The following POLD4 variants were observed in gnomAD, a reference collection of about 807,000 sequenced individuals.
POLD4 encodes DNA polymerase delta 4, accessory subunit, also known as DNA polymerase delta subunit 4.
In POLD4, 9 loss-of-function variants were observed where a neutral mutation model predicts 16.5. The observed-to-expected ratio is 0.55, with a 90% CI of 0.33 to 0.95. The LOEUF is 0.95. POLD4 is among the 40% of genes least tolerant of loss of function. The pLI is 0.03. For synonymous variants in POLD4, 62 were observed against 57.6 expected (o/e 1.08, Z -0.35); for missense variants, 129 against 139.7 (o/e 0.92, Z 0.39).
intron 2 of POLD4, 84 bp downstream of exon 2, chr11:67,352,904 G>T: frequency 7.1e-7 from 1 of 1,404,532 alleles, no homozygotes; most frequent in Non-Finnish European, 9.7e-7. Context: ...GAGGGTCAGA[G>T]TCACGCAAGC....
rs369198970 is a variant in POLD4, at chr11:67,352,822, A to G, written c.188-20T>C. On this transcript the variant is annotated intron_variant, in intron 2 of 3. Transcript: ENST00000312419. ...TGATCCCTGCCAGGGTGGGAAGAAGACTCTGGAGACTTGTGGGGGGTGGGG... is the reference window on the plus strand; with the variant it reads ...TGATCCCTGCCAGGGTGGGAAGAAGGCTCTGGAGACTTGTGGGGGGTGGGG... 1.8e-4 allele frequency: 285 copies of G among 1,566,476 alleles called. No individual in the cohort carries two copies. Among genetic ancestry groups the G allele is most frequent in the Non-Finnish European group, 2.4e-4 (272 of 1,152,126 alleles).
chr11:67,353,555 C>T (rs1444606871), upstream of POLD4: 1 of 635,872 alleles, frequency 1.6e-6, no homozygotes, highest in Non-Finnish European at 2.7e-6. Context: ...AGGAAGTCGC[C>T]GGGGTCCAGG....
At chr11:67,353,247 G>A in intron 1 of POLD4, 56 bp downstream of exon 1, 2 of 1,579,872 alleles carry the variant, frequency 1.3e-6, no homozygotes, top group Non-Finnish European at 8.6e-7. Flanking sequence ...CCCTCTAGGG[G>A]CCTCCTCTAG....
chr11:67,351,974 CAGGAGGTCTT>C lies in POLD4; in HGVS notation c.*11_*20del, dbSNP rs1368760543. Reference sequence around the variant, plus strand: ...GGGTGGTGAGCAAGAGAGCTAAGGGCAGGAGGTCTTACGTGGTGCCTCATAGGGGATAGAG... The same window carrying C: ...GGGTGGTGAGCAAGAGAGCTAAGGGCACGTGGTGCCTCATAGGGGATAGAG... On this transcript the variant is annotated 3_prime_UTR_variant, in exon 4 of 4. Transcript: ENST00000312419. This position sits in a 1 kb window ranked among gnomAD's most constrained non-coding sequence, Gnocchi z 4.8. The C allele has an allele frequency of 1.5e-6, 2 of 1,352,998 alleles. No individual in the cohort carries two copies. Among genetic ancestry groups the C allele is most frequent in the African/African-American group, 3.2e-5 (2 of 62,216 alleles). 83.8% of individuals were successfully genotyped at this position (1,352,998 alleles called of 1,614,324 possible).
chr11:67,352,545 G>T (rs144461034), intron 3 of POLD4, 146 bp downstream of exon 3: 51 of 605,888 alleles, frequency 8.4e-5, no homozygotes, highest in Admixed American at 4.9e-4. Context: ...GTGTCCTCCT[G>T]AGCCAGGCAC....
chr11:67,351,406 C>T lies in POLD4; in HGVS notation c.*589G>A, dbSNP rs1468408770. ...CGCTCAGCTCTTCCGAGGACTTGAT[C>T]CGTCTCAAGATGACTGTCTCCTCCC... is the stretch of plus-strand genomic sequence containing the variant. On this transcript the variant is annotated 3_prime_UTR_variant, in exon 4 of 4. Coordinates refer to ENST00000312419, the MANE Select transcript of POLD4 (RefSeq NM_021173.5). The surrounding 1 kb of genome is among the most constrained non-coding windows in gnomAD (Gnocchi z 4.8). 6.6e-6 allele frequency: 1 copy of T among 152,340 alleles called. No homozygotes were observed. Among genetic ancestry groups the T allele is most frequent in the African/African-American group, 2.4e-5 (1 of 41,430 alleles). The allele number at this position is 152,340 out of a possible 1,614,324, so 9.4% of individuals were successfully genotyped here.
chr11:67,351,829 G>T lies in POLD4; in HGVS notation c.*166C>A, dbSNP rs370751897. The T allele has an allele frequency of 1.5e-6, 1 of 666,138 alleles. No individual in the cohort carries two copies. Among genetic ancestry groups the T allele is most frequent in the Non-Finnish European group, 2.6e-6 (1 of 381,574 alleles). The allele number at this position is 666,138 out of a possible 1,614,324, so 41.3% of individuals were successfully genotyped here. A position where few individuals can be genotyped will look rare whatever the true frequency, so the allele number is the denominator to read the frequency against. On this transcript the variant is annotated 3_prime_UTR_variant, in exon 4 of 4. Transcript: ENST00000312419. This position sits in a 1 kb window ranked among gnomAD's most constrained non-coding sequence, Gnocchi z 4.8. ...GCTCTTCCGGGGACTCTGGGAGCCT[G>T]CTGGTTAGATGGAGGAGTTGAGCCT...
intron 3 of POLD4, chr11:67,352,441 C>G (rs1019099454): frequency 2.3e-6 from 1 of 427,580 alleles, no homozygotes; most frequent in Non-Finnish European, 4.2e-6. Flanking sequence ...ACCCGAGAGG[C>G]GGAGTTTGCA....
rs1219195264 is a variant in POLD4, at chr11:67,353,287, C to T, written c.97+16G>A. On this transcript the variant is annotated intron_variant, in intron 1 of 3. Transcript: ENST00000312419. Reference sequence around the variant, plus strand: ...CTCCGTGTCCACTCCTCCTGCCTCCCTCACACCTCAGAGACCTAGCTCGGG... The same window carrying T: ...CTCCGTGTCCACTCCTCCTGCCTCCTTCACACCTCAGAGACCTAGCTCGGG... 6.2e-7 allele frequency: 1 copy of T among 1,607,186 alleles called. No individual in the cohort carries two copies. The highest frequency in any genetic ancestry group is 2.2e-5 in the East Asian group (1 of 44,850).
chr11:67,353,454 G>A lies in POLD4; in HGVS notation c.-55C>T. On this transcript the variant is annotated 5_prime_UTR_variant, in exon 1 of 4. Transcript: ENST00000312419. ...GCAACTGCGGGGAAGAGGAGAGACC[G>A]GCCAGTGGGCGCGAGAAAGACAGCT... 6.7e-7 allele frequency: 1 copy of A among 1,481,676 alleles called. No homozygotes were observed. The highest frequency in any genetic ancestry group is 9.3e-7 in the Non-Finnish European group (1 of 1,080,694). The allele number at this position is 1,481,676 out of a possible 1,614,324, so 91.8% of individuals were successfully genotyped here.
At position 67,353,083 on chromosome 11, in the gene POLD4, A is replaced by G. The variant is rs1861910971; in HGVS notation, c.98-6T>C. ...GCGGGGCTGGGGCTCCTCCCCTGCA[A>G]TGACAGCTGCTCTTCAGTACGAGGT... On this transcript the variant is annotated splice_polypyrimidine_tract_variant and splice_region_variant and intron_variant, in intron 1 of 3. Coordinates refer to ENST00000312419, the MANE Select transcript of POLD4 (RefSeq NM_021173.5). The G allele has an allele frequency of 1.9e-6, 3 of 1,579,216 alleles. No individual in the cohort carries two copies. The highest frequency in any genetic ancestry group is 1.1e-5 in the South Asian group (1 of 87,254).
At chr11:67,353,570 G>C (rs1331374474), upstream of POLD4, 2 of 597,880 alleles carry the variant, frequency 3.3e-6, no homozygotes, top group African/African-American at 1.9e-5. Flanking sequence ...TCCAGGGAGG[G>C]ACGCCTCCCC....
In POLD4 at chr11:67,352,031, GGGGT is replaced by G; in HGVS notation, c.300-16_300-13del. 6 of 1,516,920 alleles carry G rather than the reference GGGGT, an allele frequency of 4.0e-6. No homozygotes were observed. The highest frequency in any genetic ancestry group is 5.4e-6 in the Non-Finnish European group (6 of 1,104,948). 94.0% of individuals were successfully genotyped at this position (1,516,920 alleles called of 1,614,324 possible). A position where few individuals can be genotyped will look rare whatever the true frequency, so the allele number is the denominator to read the frequency against. On this transcript the variant is annotated splice_polypyrimidine_tract_variant and intron_variant, in intron 3 of 3. Transcript: ENST00000312419. Reference sequence around the variant, plus strand: ...AGAGATGCCAGAGACTGTGGAAGATGGGGTGGGAGGGAGGGATACCCCAGAGAGA... The same window carrying G: ...AGAGATGCCAGAGACTGTGGAAGATGGGGAGGGAGGGATACCCCAGAGAGA...
chr11:67,352,211 T>C (rs1861882750), intron 3 of POLD4, 192 bp from the exon 4 acceptor site: 1 of 562,994 alleles, frequency 1.8e-6, no homozygotes, highest in Admixed American at 3.0e-5. Flanking sequence ...CACTAGCTTG[T>C]AGAGGTAAGA....
intron 2 of POLD4, 62 bp from the exon 3 acceptor site, chr11:67,352,864 G>T (rs1388277934): frequency 7.0e-7 from 1 of 1,432,448 alleles, no homozygotes; most frequent in Non-Finnish European, 9.6e-7. Context: ...CTGAGCTGGA[G>T]AATGTGTGTG....
At position 67,351,131 on chromosome 11, in the gene POLD4, C is replaced by G. The variant is rs1281310749; in HGVS notation, c.*864G>C. The G allele has an allele frequency of 6.6e-6, 1 of 152,326 alleles. No homozygotes were observed. The highest frequency in any genetic ancestry group is 1.5e-5 in the Non-Finnish European group (1 of 68,138). The allele number at this position is 152,326 out of a possible 1,614,324, so 9.4% of individuals were successfully genotyped here. On this transcript the variant is annotated 3_prime_UTR_variant, in exon 4 of 4. Coordinates refer to ENST00000312419, the MANE Select transcript of POLD4 (RefSeq NM_021173.5). This position sits in a 1 kb window ranked among gnomAD's most constrained non-coding sequence, Gnocchi z 4.8. ...CAGGTCCTGCAAGTTGAGACCCTCGCCAGCCCTGCTTTGGATCAAGGTGGC... is the reference window on the plus strand; with the variant it reads ...CAGGTCCTGCAAGTTGAGACCCTCGGCAGCCCTGCTTTGGATCAAGGTGGC...
At chr11:67,352,042 G>A in intron 3 of POLD4, 23 bp from the exon 4 acceptor site, 1 of 824,532 alleles carries the variant, frequency 1.2e-6, no homozygotes, top group Non-Finnish European at 1.9e-6. Context: ...GGGTGGGAGG[G>A]AGGGATACCC....
intron 1 of POLD4, 75 bp from the exon 2 acceptor site, chr11:67,353,152 C>T: frequency 6.6e-7 from 1 of 1,506,460 alleles, no homozygotes; most frequent in Non-Finnish European, 9.0e-7. Context: ...TTCCTCACCA[C>T]CGCTTTGCCT....
At position 67,353,283 on chromosome 11, in the gene POLD4, C is replaced by T; in HGVS notation, c.97+20G>A. 2.5e-6 allele frequency: 4 copies of T among 1,604,414 alleles called. No homozygotes were observed. Among genetic ancestry groups the T allele is most frequent in the Non-Finnish European group, 3.4e-6 (4 of 1,176,458 alleles). ...GCCCCTCCGTGTCCACTCCTCCTGCCTCCCTCACACCTCAGAGACCTAGCT... is the reference window on the plus strand; with the variant it reads ...GCCCCTCCGTGTCCACTCCTCCTGCTTCCCTCACACCTCAGAGACCTAGCT... On this transcript the variant is annotated intron_variant, in intron 1 of 3. Transcript: ENST00000312419.
Sources: allele counts gnomAD v4.1 joint callset, GRCh38; gene constraint gnomAD v4.1.1; non-coding constraint Gnocchi (gnomAD v3.1); transcripts MANE v1.5; gene names NCBI Gene and HGNC (gene_info 2026-07-23, HGNC 2026-07-21).